Variants in TNIK observed in about 807,000 individuals in gnomAD.
TNIK encodes TRAF2 and NCK interacting kinase.
A neutral mutation model predicts 191.3 loss-of-function variants in TNIK; 49 were observed. The observed-to-expected ratio is 0.26, with a 90% CI of 0.20 to 0.32. The LOEUF (loss-of-function observed/expected upper bound fraction) is 0.32, where lower values mean the gene tolerates loss of function less well. Ranked by LOEUF, TNIK falls within the 10% of genes least tolerant of loss-of-function variation. TNIK has a pLI of 1.00. For missense variants in TNIK, 1,155 were observed against 1,702.3 expected (o/e 0.68, Z 5.66); for synonymous variants, 594 against 600.9 (o/e 0.99, Z 0.17).
chr3:171,101,359 A>G (rs1222426924), intron 22 of TNIK, 90 bp downstream of exon 22: 2 of 1,430,140 alleles, frequency 1.4e-6, no homozygotes, highest in Admixed American at 2.3e-5. Flanking sequence ...AGACCCATAT[A>G]CAATCTTACA....
At chr3:171,121,085 C>T (rs1727687082) in intron 18 of TNIK, among the ~76,000 whole-genome samples, 1 of 152,184 alleles carries the variant, frequency 6.6e-6, no homozygotes, top group African/African-American at 2.4e-5. Context: ...TCCATTTTAA[C>T]TTTGCTAATT....
intron 2 of TNIK, among the ~76,000 whole-genome samples, chr3:171,345,044 C>A (rs1162547248): frequency 6.6e-6 from 1 of 152,102 alleles, no homozygotes; most frequent in African/African-American, 2.4e-5. Context: ...TGGCCTAGAG[C>A]ACACAGTGAC....
intron 9 of TNIK, among the ~76,000 whole-genome samples, chr3:171,169,129 T>C (rs950780032): frequency 6.6e-6 from 1 of 152,196 alleles, no homozygotes; most frequent in African/African-American, 2.4e-5. Context: ...CTCCATACAG[T>C]ACTTTTCCAG....
chr3:171,295,049 AGT>A (rs1158079196), intron 2 of TNIK, among the ~76,000 whole-genome samples: 1 of 152,042 alleles, frequency 6.6e-6, no homozygotes, highest in Non-Finnish European at 1.5e-5. Context: ...AATAGCAGAC[AGT>A]GTGGGCAGTT....
intron 2 of TNIK, among the ~76,000 whole-genome samples, chr3:171,359,201 C>T (rs1714617267): frequency 6.6e-6 from 1 of 152,102 alleles, no homozygotes; most frequent in South Asian, 2.1e-4. Context: ...AGCCTCATAC[C>T]ACCTCCCTGA....
intron 2 of TNIK, among the ~76,000 whole-genome samples, chr3:171,296,724 C>T (rs1432197618): frequency 6.6e-6 from 1 of 152,150 alleles, no homozygotes; most frequent in African/African-American, 2.4e-5. Context: ...AAGTAAGGTA[C>T]AAGTCAGTTC....
intron 21 of TNIK, among the ~76,000 whole-genome samples, chr3:171,106,046 T>G: frequency 6.6e-6 from 1 of 152,154 alleles, no homozygotes; most frequent in South Asian, 2.1e-4. Context: ...GCAACAATCC[T>G]TCAACTATGA....
At chr3:171,355,808 G>A (rs981139415) in intron 2 of TNIK, among the ~76,000 whole-genome samples, 5 of 152,112 alleles carry the variant, frequency 3.3e-5, no homozygotes, top group African/African-American at 1.2e-4. Flanking sequence ...ATTACATCTC[G>A]GTATTGTAGC....
intron 2 of TNIK, among the ~76,000 whole-genome samples, chr3:171,251,596 A>G (rs927045049): frequency 2.0e-5 from 3 of 152,202 alleles, no homozygotes; most frequent in African/African-American, 7.2e-5. Flanking sequence ...GACTATGTGC[A>G]CTTAGTTGGG....
intron 2 of TNIK, among the ~76,000 whole-genome samples, chr3:171,351,398 A>T (rs1289236029): frequency 2.6e-5 from 4 of 152,230 alleles, no homozygotes; most frequent in African/African-American, 9.6e-5. Context: ...AAAGAAGGTC[A>T]TCTTAGATCT....
intron 1 of TNIK, among the ~76,000 whole-genome samples, chr3:171,458,465 G>C (rs988383751): frequency 5.9e-5 from 9 of 152,312 alleles, no homozygotes; most frequent in South Asian, 2.1e-4. Flanking sequence ...CGGCATCTCT[G>C]TTTCTTCTCA....
intron 1 of TNIK, among the ~76,000 whole-genome samples, chr3:171,421,270 G>GAC (rs1439787029): frequency 6.6e-6 from 1 of 152,068 alleles, no homozygotes; most frequent in African/African-American, 2.4e-5. Flanking sequence ...ACTCCCTGCA[G>GAC]ACACACACAC....
chr3:171,118,776 A>G (rs965180887), intron 18 of TNIK, among the ~76,000 whole-genome samples: 7 of 152,210 alleles, frequency 4.6e-5, no homozygotes, highest in Non-Finnish European at 8.8e-5. Flanking sequence ...TACACCTTAT[A>G]CAAAAATTAA....
intron 2 of TNIK, among the ~76,000 whole-genome samples, chr3:171,274,593 T>C (rs1749500680): frequency 6.6e-6 from 1 of 152,222 alleles, no homozygotes; most frequent in South Asian, 2.1e-4. Flanking sequence ...AATTCTCAGA[T>C]AGATGAAGGT....
At chr3:171,415,063 T>C (rs776358593) in intron 1 of TNIK, among the ~76,000 whole-genome samples, 1 of 152,168 alleles carries the variant, frequency 6.6e-6, no homozygotes. Context: ...TGCCCTCCAG[T>C]TGCCCAACCC....
intron 1 of TNIK, among the ~76,000 whole-genome samples, chr3:171,376,749 T>C (rs1444799648): frequency 1.5e-5 from 1 of 68,750 alleles, no homozygotes; most frequent in Non-Finnish European, 3.7e-5. Flanking sequence ...AGATAGATGA[T>C]AGATAGATAG....
At chr3:171,168,617 C>A (rs542612464) in intron 9 of TNIK, among the ~76,000 whole-genome samples, 1 of 152,190 alleles carries the variant, frequency 6.6e-6, no homozygotes, top group South Asian at 2.1e-4. Context: ...AAGCTACATT[C>A]AAGCTTTTAA....
At chr3:171,162,341 A>T (rs1486099513) in intron 10 of TNIK, among the ~76,000 whole-genome samples, 1 of 151,980 alleles carries the variant, frequency 6.6e-6, no homozygotes, top group African/African-American at 2.4e-5. Flanking sequence ...GGAGAATGGC[A>T]TGAACCTGGA....
intron 1 of TNIK, among the ~76,000 whole-genome samples, chr3:171,397,404 A>G (rs1236081306): frequency 6.6e-6 from 1 of 152,204 alleles, no homozygotes; most frequent in Non-Finnish European, 1.5e-5. Flanking sequence ...ATTTTAACAC[A>G]GTATTTCTGA....
Sources: allele counts gnomAD v4.1 joint callset (sites outside exome capture counted in the v4.1 genomes callset), GRCh38; gene constraint gnomAD v4.1.1; transcripts MANE v1.5; gene names NCBI Gene and HGNC (gene_info 2026-07-23, HGNC 2026-07-21).